TBC1D31: variants seen among roughly 807,000 people sequenced by gnomAD.
The protein encoded by TBC1D31 is WD repeat domain 67.
Under a neutral mutation model 132.9 loss-of-function variants are expected in TBC1D31, and 99 were observed. That is an observed-to-expected ratio of 0.74 (90% CI 0.63 to 0.88). TBC1D31 has a LOEUF of 0.88. TBC1D31 is among the 40% of genes least tolerant of loss of function. The pLI is 0.00. For missense variants in TBC1D31, 1,134 were observed against 1,256.6 expected (o/e 0.90, Z 1.48); for synonymous variants, 385 against 419.4 (o/e 0.92, Z 1.00).
chr8:123,090,245 C>G (rs1222679453), intron 4 of TBC1D31, among the ~76,000 whole-genome samples: 2 of 152,184 alleles, frequency 1.3e-5, no homozygotes, highest in Non-Finnish European at 1.5e-5. Flanking sequence ...ATATTAAGTA[C>G]TTTGTCCAGA....
chr8:123,150,002 AAAC>A, intron 20 of TBC1D31, 31 bp from the exon 21 acceptor site: 1 of 1,542,330 alleles, frequency 6.5e-7, no homozygotes, highest in Non-Finnish European at 9.0e-7. Context: ...ACTCACTCCC[AAAC>A]ATCATCTTAA....
At chr8:123,093,793 T>TA (rs5894652) in intron 5 of TBC1D31, 51 bp downstream of exon 5, 142,957 of 1,249,058 alleles carry the variant, frequency 0.11, 9,789 homozygotes, top group African/African-American at 0.21. Flanking sequence ...TAATTTCTGG[T>TA]AAAAAATTAC....
chr8:123,126,543 AG>A lies in TBC1D31; in HGVS notation c.1741del (p.Glu581LysfsTer3). On this transcript the variant is annotated frameshift_variant, in exon 13 of 22. Transcript: ENST00000287380. LOFTEE classifies it high-confidence loss of function. ...GGCCTCTTCTTGAAACTGTGTTCTCAGAAGTGCTGACAAGAGAGGAGTGGCT... is the reference window on the plus strand; with the variant it reads ...GGCCTCTTCTTGAAACTGTGTTCTCAAAGTGCTGACAAGAGAGGAGTGGCT... ...AWPLLETVFS[E>X]VLTREEWLKL... The A allele has an allele frequency of 6.2e-7, 1 of 1,614,066 alleles. No individual in the cohort carries two copies. Among genetic ancestry groups the A allele is most frequent in the African/African-American group, 1.3e-5 (1 of 75,012 alleles).
At chr8:123,153,863 T>C (rs1229680706), downstream of TBC1D31, among the ~76,000 whole-genome samples, 2 of 152,230 alleles carry the variant, frequency 1.3e-5, no homozygotes, top group African/African-American at 4.8e-5. Context: ...CCATAAAGTT[T>C]CTCTCTGGTG....
At chr8:123,089,270 A>G (rs1305408905) in intron 4 of TBC1D31, among the ~76,000 whole-genome samples, 2 of 152,234 alleles carry the variant, frequency 1.3e-5, no homozygotes. Flanking sequence ...ACTCAGCCGT[A>G]GCACCTCCCT....
intron 7 of TBC1D31, chr8:123,102,547 G>A (rs555956936): frequency 3.7e-5 from 11 of 296,538 alleles, no homozygotes; most frequent in Non-Finnish European, 7.2e-5. Flanking sequence ...TCTTTTCTAT[G>A]TGTGTAAATA....
In TBC1D31 at chr8:123,134,122, G is replaced by C; in HGVS notation, c.2415G>C (p.Met805Ile). The C allele has an allele frequency of 1.2e-6, 2 of 1,613,424 alleles. No individual in the cohort carries two copies. The highest frequency in any genetic ancestry group is 1.7e-6 in the Non-Finnish European group (2 of 1,179,470). ...LDDEIGRKVY[M>I]RDREIAATAR... ...TTGTTGTTTGGCCATAGGTATATAT[G>C]AGAGATCGAGAAATTGCTGCCACAG... Residue 805 changes from methionine (M) to isoleucine (I), a missense_variant, in exon 17 of 22, where the codon ATG becomes ATC. Physicochemically the swap from Met to Ile is conservative, Grantham distance 10. Transcript: ENST00000287380.
At chr8:123,129,380 TA>T (rs1470269630) in intron 15 of TBC1D31, among the ~76,000 whole-genome samples, 162 bp downstream of exon 15, 1 of 152,246 alleles carries the variant, frequency 6.6e-6, no homozygotes, top group African/African-American at 2.4e-5. Context: ...AATCTTTATA[TA>T]CCACTTTTCA....
rs538925564 is a variant in TBC1D31 at position 123,116,135 on chromosome 8, G to C, written c.1437-3920G>C. 5.8e-4 allele frequency among the ~76,000 whole-genome samples: 89 copies of C among 152,230 alleles called. No individual in the cohort carries two copies. In the South Asian group the frequency reaches 0.018, roughly 30 times the overall value. On this transcript the variant is annotated intron_variant, in intron 10 of 21. Coordinates refer to ENST00000287380, the MANE Select transcript of TBC1D31 (RefSeq NM_145647.4). ...TATGCAGAGTCTAACAATAGACCCA[G>C]CTACATTCCAAAATTGACTTGTTTT...
At chr8:123,081,924 G>C (rs986418471) in intron 2 of TBC1D31, among the ~76,000 whole-genome samples, 1 of 152,192 alleles carries the variant, frequency 6.6e-6, no homozygotes, top group African/African-American at 2.4e-5. Flanking sequence ...GATGAGATTT[G>C]GGTGGGGACA....
Position 123,093,715 on chromosome 8 carries a change from T to C in TBC1D31, c.644T>C (p.Ile215Thr), listed in dbSNP as rs374966500. ...QLPAPPESSS[I>T]LYKVFAVTRD... is the part of the protein sequence containing the mutation. ...CCAGCTCCACCTGAAAGCTCTAGTATATTATACAAAGTGTTTGCTGTAACC... is the reference window on the plus strand; with the variant it reads ...CCAGCTCCACCTGAAAGCTCTAGTACATTATACAAAGTGTTTGCTGTAACC... Residue 215 changes from isoleucine (I) to threonine (T), a missense_variant, in exon 5 of 22, where the codon ATA (isoleucine) becomes ACA (threonine). Physicochemically the swap from Ile to Thr is moderately conservative, Grantham distance 89. Transcript: ENST00000287380. The C allele has an allele frequency of 1.2e-6, 2 of 1,604,994 alleles. No individual in the cohort carries two copies. The highest frequency in any genetic ancestry group is 2.7e-5 in the African/African-American group (2 of 74,870).
At chr8:123,130,379 C>G (rs369049938) in intron 16 of TBC1D31, 46 bp downstream of exon 16, 1 of 1,555,030 alleles carries the variant, frequency 6.4e-7, no homozygotes, top group Non-Finnish European at 8.7e-7. Context: ...TCCATTTACT[C>G]TCACTTAAAT....
chr8:123,096,286 T>C (rs1816828283), intron 5 of TBC1D31, among the ~76,000 whole-genome samples: 3 of 152,094 alleles, frequency 2.0e-5, no homozygotes, highest in Admixed American at 6.6e-5. Flanking sequence ...CCTTCCTTAG[T>C]CTGCTCTAGC....
intron 10 of TBC1D31, among the ~76,000 whole-genome samples, chr8:123,110,969 A>G (rs1818382620): frequency 6.6e-6 from 1 of 152,110 alleles, no homozygotes; most frequent in Non-Finnish European, 1.5e-5. Flanking sequence ...CGTTTAACCC[A>G]TACAGCCCTC....
At position 123,100,887 on chromosome 8, in the gene TBC1D31, C is replaced by A. The variant is rs1423731038; in HGVS notation, c.912C>A (p.Ser304Arg). 6.2e-7 allele frequency: 1 copy of A among 1,613,640 alleles called. No individual in the cohort carries two copies. Among genetic ancestry groups the A allele is most frequent in the African/African-American group, 1.3e-5 (1 of 74,878 alleles). ...QTCKLLFEIG[S>R]LDEGISSSAI... ...GTAAACTTCTCTTTGAGATTGGGAG[C>A]CTCGATGAAGGAATTAGCTCATCAG... The change falls in exon 7 of 22, where the codon AGC becomes AGA. Residue 304 changes from serine to arginine, a missense_variant. By Grantham distance (110) the Ser-to-Arg change is moderately radical. Coordinates refer to ENST00000287380, the MANE Select transcript of TBC1D31 (RefSeq NM_145647.4).
intron 14 of TBC1D31, 77 bp downstream of exon 14, chr8:123,128,590 C>A: frequency 8.2e-7 from 1 of 1,217,608 alleles, no homozygotes; most frequent in Non-Finnish European, 1.2e-6. Flanking sequence ...ATGAAAAATA[C>A]ATTTGGCTGA....
intron 10 of TBC1D31, among the ~76,000 whole-genome samples, chr8:123,114,877 G>A (rs1586655527): frequency 2.0e-5 from 3 of 152,080 alleles, no homozygotes; most frequent in South Asian, 2.1e-4. Flanking sequence ...CTATTTTGCC[G>A]CTTATCTTCC....
chr8:123,162,812 A>AAAG, the TBC1D31 span, among the ~76,000 whole-genome samples: 1 of 152,118 alleles, frequency 6.6e-6, no homozygotes, highest in African/African-American at 2.4e-5. Flanking sequence ...AATGGCTTAA[A>AAAG]CAGCAAGCAT....
chr8:123,113,727 TA>T (rs1818657949), intron 10 of TBC1D31, among the ~76,000 whole-genome samples: 1 of 148,088 alleles, frequency 6.8e-6, no homozygotes, highest in South Asian at 2.1e-4. Context: ...AATCCTAGTT[TA>T]GTTAAAGCTT....
Sources: gnomAD v4.1 joint callset for allele counts (sites outside exome capture counted in the v4.1 genomes callset) on GRCh38, gnomAD v4.1.1 for gene constraint, MANE v1.5 for transcripts, NCBI Gene and HGNC (gene_info 2026-07-23, HGNC 2026-07-21) for gene names.